The following ADARB2 variants were observed in gnomAD, a reference collection of about 807,000 sequenced individuals.
ADARB2 encodes inactive double-stranded RNA-specific editase B2.
ADARB2 carries 25 observed loss-of-function variants against 62.2 expected under a neutral mutation model. That is an observed-to-expected ratio of 0.40 (90% CI 0.29 to 0.56). ADARB2 has a LOEUF of 0.56. Ranked by LOEUF, ADARB2 falls within the 20% of genes least tolerant of loss-of-function variation. The pLI is 0.43. For synonymous variants in ADARB2, 572 were observed against 500.8 expected (o/e 1.14, Z -1.90); for missense variants, 1,071 against 1,077.4 (o/e 0.99, Z 0.08).
At chr10:1,480,474 G>A (rs1041377421) in intron 1 of ADARB2, among the ~76,000 whole-genome samples, 35 of 152,254 alleles carry the variant, frequency 2.3e-4, no homozygotes, top group Non-Finnish European at 3.5e-4. Flanking sequence ...CAAGGCGGGC[G>A]GGTCACTAGG....
chr10:1,308,373 G>T (rs1305099127), intron 3 of ADARB2, among the ~76,000 whole-genome samples: 1 of 152,200 alleles, frequency 6.6e-6, no homozygotes, highest in Non-Finnish European at 1.5e-5. Flanking sequence ...TTTCTGGATG[G>T]ATGAGAGTTT....
At chr10:1,401,043 G>A (rs1372703317) in intron 1 of ADARB2, among the ~76,000 whole-genome samples, 2 of 152,158 alleles carry the variant, frequency 1.3e-5, no homozygotes, top group Admixed American at 6.5e-5. Context: ...AAGAGCAAGC[G>A]CAGTATCAGA....
intron 3 of ADARB2, among the ~76,000 whole-genome samples, chr10:1,280,726 A>T (rs547984517): frequency 7.1e-6 from 1 of 140,710 alleles, no homozygotes; most frequent in Admixed American, 7.0e-5. Context: ...GTGATGCTCT[A>T]TGATATTCCT....
chr10:1,208,231 C>T (rs1837095511), intron 7 of ADARB2, among the ~76,000 whole-genome samples: 1 of 152,226 alleles, frequency 6.6e-6, no homozygotes, highest in Non-Finnish European at 1.5e-5. Context: ...TTTCTCTCAC[C>T]TGCCAGTGCC....
intron 1 of ADARB2, among the ~76,000 whole-genome samples, chr10:1,716,382 TCAGA>T (rs1477681831): frequency 6.6e-5 from 10 of 152,238 alleles, no homozygotes; most frequent in Non-Finnish European, 1.5e-4. Context: ...AATAGACATT[TCAGA>T]CAAAGTAAAA....
intron 1 of ADARB2, among the ~76,000 whole-genome samples, chr10:1,521,310 T>G (rs1832071594): frequency 1.3e-5 from 2 of 152,202 alleles, no homozygotes; most frequent in Admixed American, 6.5e-5. Context: ...CCCAATGGAC[T>G]CAGGTGTGGA....
chr10:1,514,910 G>A (rs1831990046), intron 1 of ADARB2, among the ~76,000 whole-genome samples: 1 of 152,128 alleles, frequency 6.6e-6, no homozygotes, highest in African/African-American at 2.4e-5. Flanking sequence ...GTGGAGCGTA[G>A]GGTTTGAGCA....
chr10:1,422,995 T>C (rs1278020139), intron 1 of ADARB2, among the ~76,000 whole-genome samples: 1 of 152,208 alleles, frequency 6.6e-6, no homozygotes, highest in East Asian at 1.9e-4. Flanking sequence ...TGCAGCTAGA[T>C]GTTCTGTGAG....
At chr10:1,481,806 G>A (rs575833189) in intron 1 of ADARB2, among the ~76,000 whole-genome samples, 1 of 148,578 alleles carries the variant, frequency 6.7e-6, no homozygotes, top group South Asian at 2.1e-4. Flanking sequence ...GCAGTGAGCT[G>A]AGATTGTGCC....
chr10:1,463,536 G>A (rs144395480), intron 1 of ADARB2, among the ~76,000 whole-genome samples: 13 of 152,294 alleles, frequency 8.5e-5, no homozygotes, highest in South Asian at 6.2e-4. Flanking sequence ...GTCTATTTAC[G>A]TCTCATAAAT....
intron 4 of ADARB2, among the ~76,000 whole-genome samples, chr10:1,266,473 C>T (rs1342835860): frequency 2.1e-5 from 3 of 141,798 alleles, no homozygotes; most frequent in African/African-American, 5.4e-5. Flanking sequence ...GGTCCAGGGC[C>T]GGCTGGGACC....
intron 1 of ADARB2, among the ~76,000 whole-genome samples, chr10:1,579,735 C>T (rs1427159797): frequency 3.3e-5 from 5 of 152,174 alleles, no homozygotes; most frequent in Non-Finnish European, 7.3e-5. Context: ...CAACAGAAGG[C>T]GAATTCCTTG....
chr10:1,554,174 G>C (rs1832668943), intron 1 of ADARB2, among the ~76,000 whole-genome samples: 2 of 152,096 alleles, frequency 1.3e-5, no homozygotes, highest in South Asian at 4.1e-4. Context: ...TTCTGTCTCC[G>C]GGTGGCCTGT....
rs773413963 is a variant in ADARB2, at chr10:1,737,104, C to A, written c.47G>T (p.Ser16Ile). The stretch of plus-strand genomic sequence containing the variant: ...CCTCTTGGACTTGCATTTGAGTTGA[C>A]TGCTCAGCCCTCCAGACCCTCTGCC... ...GSGRGSGGLSSQLKCKSKRRR... is the reference protein window; with the variant it reads ...GSGRGSGGLSIQLKCKSKRRR... Residue 16 changes from serine to isoleucine, a missense_variant, in exon 1 of 10, where the codon AGT becomes ATT. Ser to Ile is a moderately radical substitution (Grantham distance 142). Coordinates refer to ENST00000381312, the MANE Select transcript of ADARB2 (RefSeq NM_018702.4). 7 of 1,611,402 alleles carry A rather than the reference C, an allele frequency of 4.3e-6. No individual in the cohort carries two copies. The highest frequency in any genetic ancestry group is 5.9e-6 in the Non-Finnish European group (7 of 1,179,922).
At chr10:1,416,112 T>C (rs1014727771) in intron 1 of ADARB2, among the ~76,000 whole-genome samples, 1 of 152,234 alleles carries the variant, frequency 6.6e-6, no homozygotes, top group Admixed American at 6.5e-5. Context: ...TTACTTCTTG[T>C]GATTGCCTGT....
intron 1 of ADARB2, among the ~76,000 whole-genome samples, chr10:1,457,409 T>C (rs1831107965): frequency 6.6e-6 from 1 of 152,122 alleles, no homozygotes; most frequent in South Asian, 2.1e-4. Flanking sequence ...TGTCTTCTGA[T>C]GCTCCTGGGG....
intron 3 of ADARB2, among the ~76,000 whole-genome samples, chr10:1,328,837 G>GA (rs892811934): frequency 6.6e-6 from 1 of 151,668 alleles, no homozygotes; most frequent in Non-Finnish European, 1.5e-5. Flanking sequence ...TACAAAAATA[G>GA]AAAAAATAAC....
intron 1 of ADARB2, among the ~76,000 whole-genome samples, chr10:1,497,404 A>G (rs1831707061): frequency 6.6e-6 from 1 of 152,236 alleles, no homozygotes; most frequent in African/African-American, 2.4e-5. Flanking sequence ...CTCACCAAAA[A>G]TTTCTAAATA....
intron 1 of ADARB2, among the ~76,000 whole-genome samples, chr10:1,682,976 C>G (rs1211064018): frequency 1.3e-5 from 2 of 152,262 alleles, no homozygotes; most frequent in Admixed American, 1.3e-4. Flanking sequence ...CACAGCACCG[C>G]GGAGGTGGGC....
Sources: allele counts gnomAD v4.1 joint callset (sites outside exome capture counted in the v4.1 genomes callset), GRCh38; gene constraint gnomAD v4.1.1; transcripts MANE v1.5; gene names NCBI Gene and HGNC (gene_info 2026-07-23, HGNC 2026-07-21).